EFCAB6: variants seen among roughly 807,000 people sequenced by gnomAD.
EFCAB6 encodes the protein EF-hand calcium binding domain 6.
In EFCAB6, 156 loss-of-function variants were observed where a neutral mutation model predicts 169.8. The observed-to-expected ratio is 0.92, with a 90% confidence interval of 0.81 to 1.05. EFCAB6 has a LOEUF of 1.05. Among genes scored for constraint, EFCAB6 ranks in the 50% least tolerant of loss-of-function variants. The pLI is 0.00. For synonymous variants in EFCAB6, 698 were observed against 676.4 expected (o/e 1.03, Z -0.50); for missense variants, 1,800 against 1,829.1 (o/e 0.98, Z 0.29).
intron 17 of EFCAB6, among the ~76,000 whole-genome samples, chr22:43,643,760 C>A (rs2055961900): frequency 6.6e-6 from 1 of 152,090 alleles, no homozygotes; most frequent in Non-Finnish European, 1.5e-5. Context: ...GATAGGGTGT[C>A]TATGAGTCAG....
At chr22:43,623,807 G>T (rs2054289918) in intron 20 of EFCAB6, among the ~76,000 whole-genome samples, 1 of 151,016 alleles carries the variant, frequency 6.6e-6, no homozygotes. Context: ...TACTTGGGAG[G>T]CTGAGGCAGG....
chr22:43,783,337 G>GA (rs1408614298), intron 2 of EFCAB6, among the ~76,000 whole-genome samples: 1 of 152,152 alleles, frequency 6.6e-6, no homozygotes, highest in Non-Finnish European at 1.5e-5. Flanking sequence ...ATATTCTTGG[G>GA]AATCTAGGAA....
intron 17 of EFCAB6, among the ~76,000 whole-genome samples, chr22:43,645,743 G>T (rs1224284762): frequency 3.9e-5 from 6 of 152,110 alleles, no homozygotes; most frequent in Non-Finnish European, 8.8e-5. Context: ...AAATTGGACT[G>T]CATTTCTTAG....
At chr22:43,757,200 C>T (rs1393210651) in intron 5 of EFCAB6, among the ~76,000 whole-genome samples, 2 of 152,194 alleles carry the variant, frequency 1.3e-5, no homozygotes, top group East Asian at 3.9e-4. Context: ...CTCTTAAATA[C>T]TGTTTCAATA....
chr22:43,765,840 A>G (rs2061310477), intron 4 of EFCAB6, among the ~76,000 whole-genome samples: 1 of 152,170 alleles, frequency 6.6e-6, no homozygotes, highest in African/African-American at 2.4e-5. Flanking sequence ...TAAAAATTCC[A>G]CAAAGGATAT....
intron 8 of EFCAB6, among the ~76,000 whole-genome samples, chr22:43,723,408 A>G (rs1049872263): frequency 3.3e-5 from 5 of 152,172 alleles, no homozygotes; most frequent in African/African-American, 1.2e-4. Context: ...TGTGTAACAA[A>G]CCTGCACATG....
At chr22:43,590,643 A>C (rs1269541447) in intron 23 of EFCAB6, among the ~76,000 whole-genome samples, 1 of 152,082 alleles carries the variant, frequency 6.6e-6, no homozygotes, top group Non-Finnish European at 1.5e-5. Flanking sequence ...CTGGTGAATC[A>C]AAGAGGCATC....
At chr22:43,608,969 G>T (rs2053116912) in intron 21 of EFCAB6, among the ~76,000 whole-genome samples, 1 of 152,182 alleles carries the variant, frequency 6.6e-6, no homozygotes, top group African/African-American at 2.4e-5. Flanking sequence ...CCCTCTGGCT[G>T]TAAGAGGGGA....
At chr22:43,802,052 G>A (rs978203144) in intron 2 of EFCAB6, among the ~76,000 whole-genome samples, 1 of 152,134 alleles carries the variant, frequency 6.6e-6, no homozygotes. Context: ...ACCAAAATAA[G>A]AGCAGGAATA....
chr22:43,685,288 G>A lies in EFCAB6; in HGVS notation c.1143-1433C>T, dbSNP rs1432526427. Among the ~76,000 whole-genome samples the A allele has an allele frequency of 7.9e-5, 12 of 152,232 alleles. No homozygotes were observed. The South Asian group carries it at 2.3e-3, about 29-fold the overall frequency. ...AACCTGGTAAAGCACTGTGTTGGGC[G>A]TGCCTGCGAGGGCGTTTCTGGAGAT... On this transcript the variant is annotated intron_variant, in intron 11 of 31. Coordinates refer to ENST00000262726, the MANE Select transcript of EFCAB6 (RefSeq NM_022785.4).
chr22:43,531,014 T>A (rs1226706102), intron 30 of EFCAB6, 50 bp from the exon 31 acceptor site: 5 of 1,609,950 alleles, frequency 3.1e-6, no homozygotes, highest in Non-Finnish European at 4.2e-6. Context: ...AACACGAGGG[T>A]TGGGGTGGGC....
At chr22:43,651,420 T>C (rs1188540712) in intron 17 of EFCAB6, among the ~76,000 whole-genome samples, 2 of 152,266 alleles carry the variant, frequency 1.3e-5, no homozygotes, top group East Asian at 3.8e-4. Flanking sequence ...TGCCTAGATT[T>C]CAGAAGATCT....
intron 10 of EFCAB6, among the ~76,000 whole-genome samples, chr22:43,697,105 C>T (rs1410905695): frequency 6.6e-6 from 1 of 152,198 alleles, no homozygotes; most frequent in Non-Finnish European, 1.5e-5. Context: ...TGTGCTTTCG[C>T]CTACCAAATC....
At chr22:43,670,315 A>G (rs920426438) in intron 15 of EFCAB6, among the ~76,000 whole-genome samples, 1 of 152,232 alleles carries the variant, frequency 6.6e-6, no homozygotes, top group Non-Finnish European at 1.5e-5. Context: ...GGGGTTGTCA[A>G]TTCTTCAGAG....
chr22:43,777,885 C>G (rs1484030370), intron 3 of EFCAB6, among the ~76,000 whole-genome samples: 1 of 152,206 alleles, frequency 6.6e-6, no homozygotes, highest in East Asian at 1.9e-4. Flanking sequence ...CTTGCAGAAC[C>G]TGCTGGTGGG....
intron 8 of EFCAB6, among the ~76,000 whole-genome samples, chr22:43,720,671 G>T (rs1267874839): frequency 6.6e-6 from 1 of 151,732 alleles, no homozygotes; most frequent in Non-Finnish European, 1.5e-5. Flanking sequence ...GAGGAAGAAA[G>T]TAAGAAAAAA....
At chr22:43,751,770 G>A (rs1260754380) in intron 6 of EFCAB6, among the ~76,000 whole-genome samples, 3 of 152,240 alleles carry the variant, frequency 2.0e-5, no homozygotes. Flanking sequence ...AACTACAGGT[G>A]TAACAAGTTG....
At chr22:43,629,537 T>G (rs1242266363) in intron 19 of EFCAB6, among the ~76,000 whole-genome samples, 1 of 152,200 alleles carries the variant, frequency 6.6e-6, no homozygotes, top group Non-Finnish European at 1.5e-5. Flanking sequence ...TGGCAGGCAC[T>G]GTGGCAGCCC....
intron 26 of EFCAB6, among the ~76,000 whole-genome samples, chr22:43,557,515 A>G (rs566158322): frequency 6.6e-6 from 1 of 152,206 alleles, no homozygotes; most frequent in Non-Finnish European, 1.5e-5. Flanking sequence ...CACAAAAGAA[A>G]TGAAAAAGGC....
Sources: gnomAD v4.1 joint callset for allele counts (sites outside exome capture counted in the v4.1 genomes callset) on GRCh38, gnomAD v4.1.1 for gene constraint, MANE v1.5 for transcripts, NCBI Gene and HGNC (gene_info 2026-07-23, HGNC 2026-07-21) for gene names.